ADSS1: variants seen among roughly 807,000 people sequenced by gnomAD.
The protein encoded by ADSS1 is adenylosuccinate synthetase isozyme 1.
A neutral mutation model predicts 59.1 loss-of-function variants in ADSS1; 57 were observed. That is an observed-to-expected ratio of 0.97 (90% CI 0.78 to 1.20). ADSS1 has a LOEUF of 1.20. Ranked by LOEUF, ADSS1 falls within the 50% of genes most tolerant of loss-of-function variation. The probability of loss-of-function intolerance (pLI) is 0.00; values close to 1 mark genes in which losing one functional copy is unlikely to be tolerated. For synonymous variants in ADSS1, 247 were observed against 249.4 expected, an observed-to-expected ratio of 0.99 and a Z score of 0.09; for missense variants, 603 against 610.3, an observed-to-expected ratio of 0.99 and a Z score of 0.13.
At chr14:104,731,078 C>G (rs1890916002) in intron 1 of ADSS1, among the ~76,000 whole-genome samples, 1 of 150,464 alleles carries the variant, frequency 6.6e-6, no homozygotes, top group African/African-American at 2.4e-5. Context: ...CGCCAGGGGG[C>G]CACCAGGCTC....
At position 104,746,236 on chromosome 14, in the gene ADSS1, C is replaced by T; in HGVS notation, c.1172C>T (p.Ala391Val). 1.2e-6 allele frequency: 2 copies of T among 1,606,080 alleles called. No homozygotes were observed. The highest frequency in any genetic ancestry group is 1.7e-6 in the Non-Finnish European group (2 of 1,173,938). Reference sequence around the variant, plus strand: ...CTCATCTCCTGTGTGCTTCCCCCAGCTAACCAGGAGATGCTTCAGAAGGTC... The same window carrying T: ...CTCATCTCCTGTGTGCTTCCCCCAGTTAACCAGGAGATGCTTCAGAAGGTC... ...LNGKRIPYFP[A>V]NQEMLQKVEV... Residue 391 changes from alanine to valine, a missense_variant and splice_region_variant, in exon 12 of 13, where the codon GCT (alanine) becomes GTT (valine). Physicochemically the swap from Ala to Val is moderately conservative, Grantham distance 64 (BLOSUM62 0). Coordinates refer to ENST00000330877, the MANE Select transcript of ADSS1 (RefSeq NM_152328.5).
In ADSS1 at chr14:104,740,899, AG is replaced by A; in HGVS notation, c.647del (p.Gly216AlafsTer55). 6.2e-7 allele frequency: 1 copy of A among 1,613,948 alleles called. No homozygotes were observed. On this transcript the variant is annotated frameshift_variant, in exon 7 of 13. Coordinates refer to ENST00000330877, the MANE Select transcript of ADSS1 (RefSeq NM_152328.5). LOFTEE classifies it high-confidence loss of function. The surrounding 1 kb of genome is among the most constrained non-coding windows in gnomAD (Gnocchi z 4.8). ...MFPTLEIDIE[G>X]QLKRLKGFAE... ...TCCCCACCCTGGAAATAGACATTGA[AG>A]GCCAACTCAAAAGGCTCAAGGTGAA... is the stretch of plus-strand genomic sequence containing the variant.
chr14:104,726,581 G>A (rs535247891), intron 1 of ADSS1, among the ~76,000 whole-genome samples: 1 of 152,206 alleles, frequency 6.6e-6, no homozygotes, highest in Non-Finnish European at 1.5e-5. Flanking sequence ...ACCCCATGTC[G>A]TCAGAGGCTG....
intron 10 of ADSS1, chr14:104,744,204 G>C (rs1022926065): frequency 6.5e-6 from 1 of 154,122 alleles, no homozygotes; most frequent in Non-Finnish European, 1.4e-5. Flanking sequence ...GTGGGGACGG[G>C]AGGGGAGAAG....
At chr14:104,735,670 T>G (rs375376445) in intron 2 of ADSS1, among the ~76,000 whole-genome samples, 30 of 152,278 alleles carry the variant, frequency 2.0e-4, no homozygotes, top group African/African-American at 7.0e-4. Flanking sequence ...AGGGACCTCC[T>G]TCCACATCGC....
chr14:104,741,316 G>T, intron 8 of ADSS1, 73 bp downstream of exon 8: 1 of 1,496,680 alleles, frequency 6.7e-7, no homozygotes, highest in Non-Finnish European at 8.9e-7. Flanking sequence ...GGAGAGCCGT[G>T]GGAACCGATG....
intron 1 of ADSS1, among the ~76,000 whole-genome samples, chr14:104,724,967 G>A (rs1312741688): frequency 6.6e-6 from 1 of 152,206 alleles, no homozygotes; most frequent in Non-Finnish European, 1.5e-5. Flanking sequence ...GGGTGGGGGT[G>A]ACCCCGGTGA....
At chr14:104,741,320 A>G (rs536242892) in intron 8 of ADSS1, 77 bp downstream of exon 8, 1 of 1,494,234 alleles carries the variant, frequency 6.7e-7, no homozygotes, top group African/African-American at 1.4e-5. Context: ...AGCCGTGGGA[A>G]CCGATGGGGG....
Position 104,742,009 on chromosome 14 carries a change from C to CTTTTGTGAGCCACATGG in ADSS1, c.948+7_948+8insTTTTGTGAGCCACATGG. On this transcript the variant is annotated splice_region_variant and intron_variant, in intron 9 of 12. Coordinates refer to ENST00000330877, the MANE Select transcript of ADSS1 (RefSeq NM_152328.5). ...CCCCACCGAGCAGATCAACGTGAGT[C>CTTTTGTGAGCCACATGG]CCCAGCCCCTCGGGACCCCGTGGGA... is the stretch of plus-strand genomic sequence containing the variant. The CTTTTGTGAGCCACATGG allele has an allele frequency of 6.2e-7, 1 of 1,612,284 alleles. No individual in the cohort carries two copies.
At chr14:104,736,913 T>TAC (rs1891155668) in intron 2 of ADSS1, among the ~76,000 whole-genome samples, 1 of 141,990 alleles carries the variant, frequency 7.0e-6, no homozygotes, top group Non-Finnish European at 1.5e-5. Context: ...TATATATATA[T>TAC]GCATTTTTTT....
intron 1 of ADSS1, among the ~76,000 whole-genome samples, chr14:104,724,701 G>C (rs1176404547): frequency 6.6e-6 from 1 of 152,150 alleles, no homozygotes; most frequent in East Asian, 1.9e-4. Context: ...CCCGGCAGCG[G>C]GCCAGGGCAC....
chr14:104,734,452 A>AG (rs1356489297), intron 1 of ADSS1, among the ~76,000 whole-genome samples: 1 of 152,178 alleles, frequency 6.6e-6, no homozygotes. Flanking sequence ...TCATGGCAGG[A>AG]GGGGGATTGG....
chr14:104,739,685 T>C lies in ADSS1; in HGVS notation c.410-65T>C, dbSNP rs563198018. On this transcript the variant is annotated intron_variant, in intron 4 of 12. Coordinates refer to ENST00000330877, the MANE Select transcript of ADSS1 (RefSeq NM_152328.5). Reference sequence around the variant, plus strand: ...TCAGGCCAGCAGGAGGTGAGGTCCATGTATACACATCTGTCCTCTGCTTCT... The same window carrying C: ...TCAGGCCAGCAGGAGGTGAGGTCCACGTATACACATCTGTCCTCTGCTTCT... 2.8e-4 allele frequency: 435 copies of C among 1,558,324 alleles called. 4 individuals are homozygous for C. In the East Asian group the frequency reaches 9.3e-3, roughly 33 times the overall value.
chr14:104,738,585 G>A (rs1379700686), intron 3 of ADSS1, 147 bp downstream of exon 3: 5 of 879,216 alleles, frequency 5.7e-6, no homozygotes, highest in Non-Finnish European at 8.7e-6. Flanking sequence ...TCACCCGCCG[G>A]CTCTACCCGC....
intron 1 of ADSS1, chr14:104,730,363 G>T (rs1164552879): frequency 1.3e-5 from 11 of 878,782 alleles, no homozygotes; most frequent in Non-Finnish European, 1.8e-5. Flanking sequence ...GCTGGTGGGC[G>T]CCTGTAGTCC....
chr14:104,742,835 G>A (rs944509155), intron 9 of ADSS1, among the ~76,000 whole-genome samples: 2 of 152,194 alleles, frequency 1.3e-5, no homozygotes, highest in Admixed American at 6.5e-5. Flanking sequence ...AAGAGCGCTC[G>A]CCGGCTCGGG....
rs904901061 is a variant in ADSS1 at position 104,731,156 on chromosome 14, G to C, written c.193-3864G>C. Among the ~76,000 whole-genome samples, 6 of 152,274 alleles carry C rather than the reference G, an allele frequency of 3.9e-5. No homozygotes were observed. In the South Asian group the frequency reaches 1.2e-3, roughly 32 times the overall value. ...TTTGGGTACAGGTCACTCAAGGCAG[G>C]TGTTCTGCACCATCCATCTTCATAT... is the stretch of plus-strand genomic sequence containing the variant. On this transcript the variant is annotated intron_variant, in intron 1 of 12. Coordinates refer to ENST00000330877, the MANE Select transcript of ADSS1 (RefSeq NM_152328.5).
intron 1 of ADSS1, among the ~76,000 whole-genome samples, chr14:104,730,416 G>A (rs965611505): frequency 1.3e-5 from 2 of 152,154 alleles, no homozygotes; most frequent in Non-Finnish European, 2.9e-5. Flanking sequence ...CTTGAACTCA[G>A]GAGGCAGAGG....
In ADSS1 at chr14:104,740,764, C is replaced by T; in HGVS notation, c.584+56C>T. 1 of 1,612,586 alleles carries T rather than the reference C, an allele frequency of 6.2e-7. No homozygotes were observed. The highest frequency in any genetic ancestry group is 8.5e-7 in the Non-Finnish European group (1 of 1,178,796). ...GATGGGGAGAAGTTGCCGGAAGGGA[C>T]TGTGGCTAGTGGGGAGGGCCCTGAG... On this transcript the variant is annotated intron_variant, in intron 6 of 12. Transcript: ENST00000330877. This position sits in a 1 kb window ranked among gnomAD's most constrained non-coding sequence, Gnocchi z 4.8.
Sources: allele counts gnomAD v4.1 joint callset (sites outside exome capture counted in the v4.1 genomes callset), GRCh38; gene constraint gnomAD v4.1.1; non-coding constraint Gnocchi (gnomAD v3.1); transcripts MANE v1.5; gene names NCBI Gene and HGNC (gene_info 2026-07-23, HGNC 2026-07-21).